The following TMEM232 variants were observed in gnomAD, a reference collection of about 807,000 sequenced individuals.
TMEM232 encodes transmembrane protein 232.
A neutral mutation model predicts 78.8 loss-of-function variants in TMEM232; 80 were observed. That is an observed-to-expected ratio of 1.01 (90% CI 0.85 to 1.22). The LOEUF is 1.22. TMEM232 is among the 50% of genes most tolerant of loss of function. TMEM232 has a pLI of 0.00. For missense variants in TMEM232, 881 were observed against 742.2 expected, an observed-to-expected ratio of 1.19 and a Z score of -2.17; for synonymous variants, 297 against 254.3, an observed-to-expected ratio of 1.17 and a Z score of -1.60.
chr5:110,606,180 A>G lies in TMEM232; in HGVS notation c.1010T>C (p.Met337Thr). Residue 337 changes from methionine to threonine, a missense_variant, in exon 9 of 14, where the codon ATG (methionine) becomes ACG (threonine). By Grantham distance (81) the Met-to-Thr change is moderately conservative. Transcript: ENST00000455884. ...DVVRDFVSSI[M>T]SVQNQEESCK... is the part of the protein sequence containing the mutation. ...CAATGTTACCTGATTTTGAACAGAC[A>G]TAATGCTTGAAACAAAATCTCTCAC... 6.5e-7 allele frequency: 1 copy of G among 1,547,876 alleles called. No homozygotes were observed. The highest frequency in any genetic ancestry group is 8.7e-7 in the Non-Finnish European group (1 of 1,144,452).
In TMEM232 at chr5:110,420,560, G is replaced by A. The variant is rs999714643; in HGVS notation, c.*20C>T. On this transcript the variant is annotated 3_prime_UTR_variant, in exon 14 of 14. Transcript: ENST00000455884. ...TGCCATGTAGTCCTCAATTTTGGGAGGTGACATTTTCTTTTCTAATTAAAT... is the reference window on the plus strand; with the variant it reads ...TGCCATGTAGTCCTCAATTTTGGGAAGTGACATTTTCTTTTCTAATTAAAT... 15 of 1,414,560 alleles carry A rather than the reference G, an allele frequency of 1.1e-5. No homozygotes were observed. Among genetic ancestry groups the A allele is most frequent in the Non-Finnish European group, 1.4e-5 (15 of 1,088,662 alleles). 87.6% of individuals were successfully genotyped at this position (1,414,560 alleles called of 1,614,324 possible).
intron 8 of TMEM232, among the ~76,000 whole-genome samples, chr5:110,614,637 G>A (rs1476395067): frequency 1.3e-5 from 2 of 151,874 alleles, no homozygotes; most frequent in Non-Finnish European, 2.9e-5. Flanking sequence ...CTTTTTATCT[G>A]GTAATTATTA....
intron 12 of TMEM232, among the ~76,000 whole-genome samples, chr5:110,474,266 TTA>T (rs1763002348): frequency 6.6e-6 from 1 of 151,968 alleles, no homozygotes; most frequent in African/African-American, 2.4e-5. Flanking sequence ...TGTACAATTA[TTA>T]TATGTCAATT....
intron 10 of TMEM232, among the ~76,000 whole-genome samples, chr5:110,586,853 T>C (rs966550239): frequency 7.9e-5 from 12 of 152,206 alleles, no homozygotes; most frequent in Middle Eastern, 3.4e-3. Context: ...ATTACTACTA[T>C]AGTTAAATGC....
intron 2 of TMEM232, among the ~76,000 whole-genome samples, chr5:110,664,527 C>G (rs1029539963): frequency 6.6e-6 from 1 of 152,162 alleles, no homozygotes; most frequent in African/African-American, 2.4e-5. Context: ...TTGAAGTATT[C>G]TTTATTCAAG....
rs551070591 is a variant in TMEM232, at chr5:110,520,840, C to T, written c.1703+7748G>A. Among the ~76,000 whole-genome samples the T allele has an allele frequency of 1.2e-4, 19 of 152,246 alleles. 1 individual carries two copies. The highest frequency in any genetic ancestry group is 9.2e-4 in the Admixed American group (14 of 15,284). ...GGCTGAGGCAGGAGAATCTCTTGAA[C>T]CCAAGAGGCAGAGGTTGTGGTAAGC... On this transcript the variant is annotated intron_variant, in intron 12 of 13. Transcript: ENST00000455884.
intron 12 of TMEM232, among the ~76,000 whole-genome samples, chr5:110,484,828 T>C (rs1415506551): frequency 1.3e-5 from 2 of 152,020 alleles, no homozygotes; most frequent in African/African-American, 2.4e-5. Context: ...CCTCAAAATA[T>C]ATGAAGCAAA....
intron 3 of TMEM232, among the ~76,000 whole-genome samples, chr5:110,395,352 A>G (rs1755344655): frequency 6.6e-6 from 1 of 152,106 alleles, no homozygotes; most frequent in African/African-American, 2.4e-5. Context: ...TGATGAGTGA[A>G]TTCTTCTGTC....
chr5:110,679,753 T>C (rs1319594498), intron 1 of TMEM232, among the ~76,000 whole-genome samples: 1 of 55,486 alleles, frequency 1.8e-5, no homozygotes, highest in Non-Finnish European at 6.8e-5. Context: ...TTTTCACTCA[T>C]TAATATATAT....
chr5:110,555,093 G>A (rs1029004835), intron 11 of TMEM232, among the ~76,000 whole-genome samples: 9 of 151,900 alleles, frequency 5.9e-5, no homozygotes, highest in Non-Finnish European at 7.4e-5. Flanking sequence ...AGTTCCTCTT[G>A]GTGTAATGTT....
chr5:110,725,553 C>T (rs10061929), intron 1 of TMEM232: 42,625 of 152,000 alleles, frequency 0.28, 7,370 homozygotes, highest in African/African-American at 0.5. Context: ...TCATAAGGGT[C>T]CATGCAGAAT....
chr5:110,705,401 T>C (rs1252153708), intron 1 of TMEM232, among the ~76,000 whole-genome samples: 2 of 152,028 alleles, frequency 1.3e-5, no homozygotes, highest in Non-Finnish European at 2.9e-5. Flanking sequence ...GAATACTCTT[T>C]CAGAAGGAAT....
intron 12 of TMEM232, among the ~76,000 whole-genome samples, chr5:110,498,245 TTCC>T: frequency 6.6e-6 from 1 of 152,140 alleles, no homozygotes; most frequent in East Asian, 1.9e-4. Context: ...CAATAAACTA[TTCC>T]CTGTAGCTGC....
At chr5:110,636,442 C>G (rs577002367) in intron 5 of TMEM232, among the ~76,000 whole-genome samples, 2 of 152,052 alleles carry the variant, frequency 1.3e-5, no homozygotes, top group East Asian at 3.9e-4. Context: ...ATAATAAATA[C>G]TCAAAGCGAT....
intron 1 of TMEM232, among the ~76,000 whole-genome samples, chr5:110,675,335 G>A (rs930802130): frequency 3.9e-5 from 6 of 152,080 alleles, no homozygotes; most frequent in East Asian, 1.9e-4. Context: ...ATGAGCCACC[G>A]TGCCTGGCCT....
intron 2 of TMEM232, among the ~76,000 whole-genome samples, chr5:110,658,101 T>A (rs1021058054): frequency 1.3e-5 from 2 of 152,136 alleles, no homozygotes; most frequent in African/African-American, 4.8e-5. Context: ...GAGCAGGTGA[T>A]ATGAACACCT....
chr5:110,483,686 A>T (rs1764156301), intron 12 of TMEM232, among the ~76,000 whole-genome samples: 1 of 152,108 alleles, frequency 6.6e-6, no homozygotes, highest in Non-Finnish European at 1.5e-5. Context: ...CCAACATGGC[A>T]CATGTATACA....
chr5:110,516,152 C>A (rs544200683), intron 12 of TMEM232, among the ~76,000 whole-genome samples: 1 of 151,936 alleles, frequency 6.6e-6, no homozygotes, highest in African/African-American at 2.4e-5. Flanking sequence ...CGCAGGAGAA[C>A]GGCGTGAACC....
intron 2 of TMEM232, among the ~76,000 whole-genome samples, chr5:110,409,084 T>G (rs2112579704): frequency 6.6e-6 from 1 of 152,336 alleles, no homozygotes; most frequent in African/African-American, 2.4e-5. Flanking sequence ...GTTACACAGC[T>G]TCATCTATTT....
Sources: gnomAD v4.1 joint callset for allele counts (sites outside exome capture counted in the v4.1 genomes callset) on GRCh38, gnomAD v4.1.1 for gene constraint, MANE v1.5 for transcripts, NCBI Gene and HGNC (gene_info 2026-07-23, HGNC 2026-07-21) for gene names.